Variants in UNC45A observed in about 807,000 individuals in gnomAD.
UNC45A encodes the protein protein unc-45 homolog A.
Under a neutral mutation model 103.2 loss-of-function variants are expected in UNC45A, and 78 were observed. The observed-to-expected ratio is 0.76, with a 90% CI of 0.63 to 0.91. The LOEUF is 0.91. Ranked by LOEUF, UNC45A falls within the 40% of genes least tolerant of loss-of-function variation. The pLI, the probability that UNC45A is intolerant of heterozygous loss-of-function variation, is 0.00. For missense variants in UNC45A, 1,193 were observed against 1,224.8 expected (o/e 0.97, Z 0.39); for synonymous variants, 495 against 504.6 (o/e 0.98, Z 0.25).
At position 90,948,731 on chromosome 15, in the gene UNC45A, C is replaced by T. The variant is rs371136190; in HGVS notation, c.1815C>T (p.Pro605=). ...CCAACAGCTATGACTACGAGGAGCC[C>T]GACCCCAAGATGGTGGAGCTGGCCA... ...NCTNSYDYEE[P]DPKMVELAKY... is the part of the protein sequence containing the mutation. The change falls in exon 13 of 20, where the codon CCC becomes CCT. Residue 605 remains proline (P), a synonymous_variant. Coordinates refer to ENST00000418476, the MANE Select transcript of UNC45A (RefSeq NM_018671.5). The T allele has an allele frequency of 2.0e-5, 33 of 1,613,772 alleles. 1 individual carries two copies. The highest frequency in any genetic ancestry group is 1.7e-4 in the Middle Eastern group (1 of 6,044).
Position 90,950,169 on chromosome 15 carries a change from G to C in UNC45A, c.2089G>C (p.Ala697Pro), listed in dbSNP as rs1043433886. The C allele has an allele frequency of 6.4e-7, 1 of 1,551,452 alleles. No individual in the cohort carries two copies. The highest frequency in any genetic ancestry group is 1.4e-5 in the African/African-American group (1 of 73,034). ...GTTCCTACAGGCGCTGATCCCGCTGGCCCTGGAAGGCACGGACGTGGGGCA... is the reference window on the plus strand; with the variant it reads ...GTTCCTACAGGCGCTGATCCCGCTGCCCCTGGAAGGCACGGACGTGGGGCA... The part of the protein sequence containing the change: ...QGGGRALIPL[A>P]LEGTDVGQTK... Residue 697 changes from alanine (A) to proline (P), a missense_variant, in exon 16 of 20, where the codon GCC becomes CCC. Physicochemically the swap from Ala to Pro is conservative, Grantham distance 27. Coordinates refer to ENST00000418476, the MANE Select transcript of UNC45A (RefSeq NM_018671.5).
rs764604252 is a variant in UNC45A, at chr15:90,935,409, G to T, written c.51+34G>T. 10 of 1,580,752 alleles carry T rather than the reference G, an allele frequency of 6.3e-6. No individual in the cohort carries two copies. In the South Asian group the frequency reaches 1.0e-4, roughly 16 times the overall value. ...CCAACCCCCGCGCCATCACCCCTTCGCACCCGCCCTGACCATCCCTGGCCT... is the reference window on the plus strand; with the variant it reads ...CCAACCCCCGCGCCATCACCCCTTCTCACCCGCCCTGACCATCCCTGGCCT... On this transcript the variant is annotated intron_variant, in intron 1 of 19. Transcript: ENST00000418476.
intron 15 of UNC45A, 39 bp from the exon 16 acceptor site, chr15:90,950,101 TCGGGGTCTTACTCC>T (rs1229794559): frequency 6.6e-7 from 1 of 1,522,302 alleles, no homozygotes; most frequent in East Asian, 2.5e-5. Flanking sequence ...AGCCCGATGG[TCGGGGTCTTACTCC>T]CAGGGATGTC....
upstream of UNC45A, chr15:90,931,390 C>T (rs2035783983): frequency 3.8e-6 from 6 of 1,569,386 alleles, no homozygotes; most frequent in South Asian, 1.2e-5. Flanking sequence ...TTCCTGGACT[C>T]GATGTTCTGA....
At position 90,953,701 on chromosome 15, in the gene UNC45A, C is replaced by A; in HGVS notation, c.2820C>A (p.Asn940Lys). 1 of 1,613,884 alleles carries A rather than the reference C, an allele frequency of 6.2e-7. No homozygotes were observed. Among genetic ancestry groups the A allele is most frequent in the South Asian group, 1.1e-5 (1 of 91,082 alleles). ...TGGAATATGGGCTTATCCAACCCAA[C>A]CAAGATGGAGAGTGAGGGGGTTGTC... Reference protein sequence around the residue: ...KAVEYGLIQPNQDGE With the variant: ...KAVEYGLIQPKQDGE The change falls in exon 20 of 20, where the codon AAC (asparagine) becomes AAA (lysine). Residue 940 changes from asparagine (N) to lysine (K), a missense_variant. Coordinates refer to ENST00000418476, the MANE Select transcript of UNC45A (RefSeq NM_018671.5).
At position 90,935,539 on chromosome 15, in the gene UNC45A, T is replaced by A; in HGVS notation, c.52-5T>A. ...CCGACGTTTCCGCCCCCTTTCTCTC[T>A]ACAGGCCAGCTCAGTGGAGCAGCTG... On this transcript the variant is annotated splice_polypyrimidine_tract_variant and splice_region_variant and intron_variant, in intron 1 of 19. Transcript: ENST00000418476. The A allele has an allele frequency of 6.3e-7, 1 of 1,597,814 alleles. No individual in the cohort carries two copies. The highest frequency in any genetic ancestry group is 1.1e-5 in the South Asian group (1 of 88,536).
chr15:90,931,680 C>T (rs780159584), upstream of UNC45A: 1 of 1,613,986 alleles, frequency 6.2e-7, no homozygotes, highest in South Asian at 1.1e-5. Flanking sequence ...TCCCTTTTCC[C>T]TTACAGCCCA....
intron 8 of UNC45A, 63 bp from the exon 9 acceptor site, chr15:90,944,829 T>C: frequency 6.5e-7 from 1 of 1,548,306 alleles, no homozygotes; most frequent in Middle Eastern, 2.4e-4. Context: ...CTAGGAAGCC[T>C]GTTTCTTTTA....
Position 90,950,234 on chromosome 15 carries a change from C to T in UNC45A, c.2154C>T (p.Thr718=), listed in dbSNP as rs1278843559. Residue 718 remains threonine, a synonymous_variant, in exon 16 of 20, where the codon ACC becomes ACT. Coordinates refer to ENST00000418476, the MANE Select transcript of UNC45A (RefSeq NM_018671.5). ...AGGCCCTTGCCAAGCTCACCATCAC[C>T]TCCAACCCGGAGATGACCTTCCCTG... ...AAQALAKLTI[T]SNPEMTFPGE... 2.6e-6 allele frequency: 4 copies of T among 1,551,648 alleles called. No homozygotes were observed. The African/African-American group carries it at 4.1e-5, about 16-fold the overall frequency.
intron 5 of UNC45A, 32 bp downstream of exon 5, chr15:90,939,855 C>A: frequency 6.4e-7 from 1 of 1,572,672 alleles, no homozygotes; most frequent in Non-Finnish European, 8.6e-7. Flanking sequence ...AGTGAGTGAG[C>A]TCCCACTAGA....
upstream of UNC45A, chr15:90,932,264 G>A: frequency 6.7e-6 from 6 of 895,376 alleles, no homozygotes; most frequent in East Asian, 1.1e-4. Flanking sequence ...AACCGACAAA[G>A]GGAACGATCA....
chr15:90,942,011 G>A (rs970912084), intron 6 of UNC45A, among the ~76,000 whole-genome samples: 1 of 151,744 alleles, frequency 6.6e-6, no homozygotes, highest in Non-Finnish European at 1.5e-5. Context: ...GAGGTCTCAC[G>A]GGCCCATTCC....
chr15:90,947,644 G>A (rs34169934), intron 10 of UNC45A, 152 bp from the exon 11 acceptor site: 43,574 of 620,882 alleles, frequency 0.07, 2,062 homozygotes, highest in South Asian at 0.16. Context: ...CATGCTCTAG[G>A]TGGTGGTCTG....
chr15:90,935,600 C>A lies in UNC45A; in HGVS notation c.108C>A (p.Asp36Glu), dbSNP rs750461412. The change falls in exon 2 of 20, where the codon GAC becomes GAA. Residue 36 changes from aspartate to glutamate, a missense_variant. Physicochemically the swap from Asp to Glu is conservative, Grantham distance 45. Coordinates refer to ENST00000418476, the MANE Select transcript of UNC45A (RefSeq NM_018671.5). Reference sequence around the variant, plus strand: ...GCAATGAGCTGTTCAAATGTGGAGACTACGGGGGCGCCCTGGCGGCCTACA... The same window carrying A: ...GCAATGAGCTGTTCAAATGTGGAGAATACGGGGGCGCCCTGGCGGCCTACA... ...KEGNELFKCG[D>E]YGGALAAYTQ... 30 of 1,612,956 alleles carry A rather than the reference C, an allele frequency of 1.9e-5. No homozygotes were observed. In the South Asian group the frequency reaches 2.9e-4, roughly 15 times the overall value.
At position 90,947,886 on chromosome 15, in the gene UNC45A, C is replaced by T. The variant is rs547532144; in HGVS notation, c.1591C>T (p.Arg531Ter). 2.7e-5 allele frequency: 44 copies of T among 1,613,146 alleles called. No homozygotes were observed. Among genetic ancestry groups the T allele is most frequent in the South Asian group, 5.5e-5 (5 of 91,050 alleles). The change falls in exon 11 of 20, where the codon CGA becomes TGA. Residue 531 changes from arginine to a stop codon, truncating the protein, a stop_gained. Transcript: ENST00000418476. LOFTEE classifies it high-confidence loss of function. ...CACTCTCAAACTGGCTAAGCAGTGTCGAAAGTGAGTCATCTGGCCTTGCTG... is the reference window on the plus strand; with the variant it reads ...CACTCTCAAACTGGCTAAGCAGTGTTGAAAGTGAGTCATCTGGCCTTGCTG... ...GSTLKLAKQC[R>*]KWLCNDQIDA... is the part of the protein sequence containing the mutation.
At chr15:90,933,467 A>G (rs1020576277), upstream of UNC45A, 3 of 152,186 alleles carry the variant, frequency 2.0e-5, no homozygotes, top group African/African-American at 4.8e-5. Context: ...GGGGTTCCCT[A>G]TTAGCTAAGT....
chr15:90,932,580 G>A, upstream of UNC45A: 1 of 1,189,626 alleles, frequency 8.4e-7, no homozygotes, highest in Non-Finnish European at 1.1e-6. Flanking sequence ...CAGGGGCAGG[G>A]ACGGAACGTT....
chr15:90,936,538 C>T, intron 4 of UNC45A, 78 bp downstream of exon 4: 1 of 1,497,950 alleles, frequency 6.7e-7, no homozygotes, highest in Non-Finnish European at 9.0e-7. Context: ...ACACAGTTCT[C>T]CAGACGAGAT....
At chr15:90,945,842 A>G (rs763439268) in intron 9 of UNC45A, among the ~76,000 whole-genome samples, 4 of 148,940 alleles carry the variant, frequency 2.7e-5, no homozygotes, top group Admixed American at 6.7e-5. Flanking sequence ...CATGTTGGCC[A>G]GGCTGGTCTC....
Sources: gnomAD v4.1 joint callset for allele counts (sites outside exome capture counted in the v4.1 genomes callset) on GRCh38, gnomAD v4.1.1 for gene constraint, MANE v1.5 for transcripts, NCBI Gene and HGNC (gene_info 2026-07-23, HGNC 2026-07-21) for gene names.